Variants in TTLL10 observed in about 807,000 individuals in gnomAD.
TTLL10 encodes the protein tubulin tyrosine ligase like 10, also known as inactive polyglycylase TTLL10.
Under a neutral mutation model 69.0 loss-of-function variants are expected in TTLL10, and 61 were observed. The ratio of observed to expected loss-of-function variants is 0.88; its 90% CI spans 0.72 to 1.09. The LOEUF (loss-of-function observed/expected upper bound fraction) is 1.09, where lower values mean the gene tolerates loss of function less well. Ranked by LOEUF, TTLL10 falls within the 50% of genes least tolerant of loss-of-function variation. The probability of loss-of-function intolerance (pLI) is 0.00; values close to 1 mark genes in which losing one functional copy is unlikely to be tolerated. For missense variants in TTLL10, 962 were observed against 945.9 expected, an observed-to-expected ratio of 1.02 and a Z score of -0.22; for synonymous variants, 408 against 393.3, an observed-to-expected ratio of 1.04 and a Z score of -0.44.
Position 1,182,998 on chromosome 1 carries a change from ATCCACCACAAGACGCCG to A in TTLL10, c.1041_1057del (p.His348ProfsTer24). 6.2e-7 allele frequency: 1 copy of A among 1,610,034 alleles called. No homozygotes were observed. Among genetic ancestry groups the A allele is most frequent in the East Asian group, 2.2e-5 (1 of 44,736 alleles). ...GACCCGGAGCATGGAGGACGACCCCATCCACCACAAGACGCCGTTCCGGGGGCCTCAGGCGCGGGTGG... is the reference window on the plus strand; with the variant it reads ...GACCCGGAGCATGGAGGACGACCCCATTCCGGGGGCCTCAGGCGCGGGTGG... On this transcript the variant is annotated frameshift_variant, in exon 11 of 16. Transcript: ENST00000379289. LOFTEE classifies it high-confidence loss of function.
At position 1,180,849 on chromosome 1, in the gene TTLL10, G is replaced by A. The variant is rs764804537; in HGVS notation, c.744G>A (p.Gly248=). The change falls in exon 8 of 16, where the codon GGG becomes GGA. Residue 248 remains glycine, a synonymous_variant. Transcript: ENST00000379289. ...GCAAGGCCAGCAAGGTGCCGGGGGG[G>A]GTCCAGGCCAGGTGAGTCTGCCCCT... ...AMSKASKVPG[G]VQARLEKDAA... is the part of the protein sequence containing the mutation. The A allele has an allele frequency of 7.0e-6, 11 of 1,573,804 alleles. No homozygotes were observed. Among genetic ancestry groups the A allele is most frequent in the Non-Finnish European group, 8.6e-6 (10 of 1,160,408 alleles).
intron 11 of TTLL10, 111 bp downstream of exon 11, chr1:1,183,158 C>T: frequency 7.5e-7 from 1 of 1,332,790 alleles, no homozygotes; most frequent in Non-Finnish European, 1.0e-6. Flanking sequence ...AGCAGCCGCA[C>T]CACCAGCCCC....
intron 13 of TTLL10, among the ~76,000 whole-genome samples, chr1:1,186,165 T>C (rs1166533157): frequency 2.6e-5 from 4 of 151,902 alleles, no homozygotes; most frequent in African/African-American, 9.7e-5. Context: ...CTCAGCTCAC[T>C]GCAACCTCCA....
chr1:1,184,942 C>T (rs1462379319), intron 12 of TTLL10, 27 bp from the exon 13 acceptor site: 1 of 1,578,226 alleles, frequency 6.3e-7, no homozygotes, highest in South Asian at 1.2e-5. Flanking sequence ...GTCTGGGAGC[C>T]AGTCTCCAGG....
chr1:1,197,554 G>C lies in TTLL10; in HGVS notation c.1729G>C (p.Gly577Arg). ...TGAGGCCGACCCGCGGCCGCACCTGGGGGGCTCGTGCAGCCTCCGCCGCTG... is the reference window on the plus strand; with the variant it reads ...TGAGGCCGACCCGCGGCCGCACCTGCGGGGCTCGTGCAGCCTCCGCCGCTG... Reference protein sequence around the residue: ...NGEADPRPHLGGSCSLRRWPP... With the variant: ...NGEADPRPHLRGSCSLRRWPP... Residue 577 changes from glycine to arginine, a missense_variant, in exon 16 of 16, where the codon GGG becomes CGG. Physicochemically the swap from Gly to Arg is moderately radical, Grantham distance 125. Coordinates refer to ENST00000379289, the MANE Select transcript of TTLL10 (RefSeq NM_001130045.2). 6.6e-7 allele frequency: 1 copy of C among 1,521,850 alleles called. No individual in the cohort carries two copies. The highest frequency in any genetic ancestry group is 8.8e-7 in the Non-Finnish European group (1 of 1,139,190). The allele number at this position is 1,521,850 out of a possible 1,614,324, so 94.3% of individuals were successfully genotyped here.
In TTLL10 at chr1:1,181,013, C is replaced by CCTGCCCCTGCCCCTGAACCCGCCT; in HGVS notation, c.755+165_755+166insCTGAACCCGCCTCTGCCCCTGCCC. 1.6e-6 allele frequency: 1 copy of CCTGCCCCTGCCCCTGAACCCGCCT among 612,616 alleles called. No individual in the cohort carries two copies. The highest frequency in any genetic ancestry group is 2.6e-6 in the Non-Finnish European group (1 of 391,978). The allele number at this position is 612,616 out of a possible 1,614,324, so 37.9% of individuals were successfully genotyped here. A position where few individuals can be genotyped will look rare whatever the true frequency, so the allele number is the denominator to read the frequency against. ...CCAGGCTCCCAGGCTGGCTCCAGCC[C>CCTGCCCCTGCCCCTGAACCCGCCT]CTGCCCCTGCCCTTGCCCCTGCCCC... On this transcript the variant is annotated intron_variant, in intron 8 of 15. Transcript: ENST00000379289. This position sits in a 1 kb window ranked among gnomAD's most constrained non-coding sequence, Gnocchi z 4.6.
chr1:1,182,352 G>C lies in TTLL10; in HGVS notation c.831-9G>C, dbSNP rs530811571. On this transcript the variant is annotated splice_polypyrimidine_tract_variant and intron_variant, in intron 9 of 15. Transcript: ENST00000379289. ...CAGCAGCTCATCCTCCTGCCTCCCT[G>C]CCCTGCAGGGTCCTGAGAATGGAAG... 6.2e-7 allele frequency: 1 copy of C among 1,613,390 alleles called. No homozygotes were observed. Among genetic ancestry groups the C allele is most frequent in the African/African-American group, 1.3e-5 (1 of 75,046 alleles).
At position 1,180,058 on chromosome 1, in the gene TTLL10, G is replaced by A. The variant is rs746363680; in HGVS notation, c.224G>A (p.Gly75Glu). 38 of 1,583,760 alleles carry A rather than the reference G, an allele frequency of 2.4e-5. No homozygotes were observed. In the South Asian group the frequency reaches 4.3e-4, roughly 18 times the overall value. ...PVGPAHERPM[G>E]SSQEEGLRCQ... ...GGCCCGGCCCACGAGAGGCCAATGGGGAGCAGCCAGGAGGAGGGACTCCGG... is the reference window on the plus strand; with the variant it reads ...GGCCCGGCCCACGAGAGGCCAATGGAGAGCAGCCAGGAGGAGGGACTCCGG... The change falls in exon 6 of 16, where the codon GGG (glycine) becomes GAG (glutamate). Residue 75 changes from glycine to glutamate, a missense_variant. Coordinates refer to ENST00000379289, the MANE Select transcript of TTLL10 (RefSeq NM_001130045.2).
At position 1,197,561 on chromosome 1, in the gene TTLL10, C is replaced by T. The variant is rs1473421398; in HGVS notation, c.1736C>T (p.Ser579Leu). The T allele has an allele frequency of 3.3e-6, 5 of 1,516,564 alleles. No homozygotes were observed. The South Asian group carries it at 3.7e-5, about 11-fold the overall frequency. The allele number at this position is 1,516,564 out of a possible 1,614,324, so 93.9% of individuals were successfully genotyped here. Residue 579 changes from serine to leucine, a missense_variant, in exon 16 of 16, where the codon TCG becomes TTG. Transcript: ENST00000379289. ...GACCCGCGGCCGCACCTGGGGGGCT[C>T]GTGCAGCCTCCGCCGCTGGCCGCCC... ...EADPRPHLGG[S>L]CSLRRWPPLP...
chr1:1,191,381 C>T (rs375244357), intron 13 of TTLL10, among the ~76,000 whole-genome samples: 3 of 152,156 alleles, frequency 2.0e-5, no homozygotes. Flanking sequence ...TGCTTAAGCC[C>T]AGGAGTTTGA....
At chr1:1,177,230 A>G (rs1646905719) in intron 3 of TTLL10, among the ~76,000 whole-genome samples, 1 of 147,732 alleles carries the variant, frequency 6.8e-6, no homozygotes, top group Non-Finnish European at 1.5e-5. Flanking sequence ...GTGTCTGTGC[A>G]TCTGTGCAAG....
chr1:1,192,480 C>G (rs148527527), intron 13 of TTLL10, among the ~76,000 whole-genome samples: 250 of 71,956 alleles, frequency 3.5e-3, no homozygotes, highest in Middle Eastern at 0.014. Flanking sequence ...CACTCCAGTT[C>G]GTATCAGTGT....
chr1:1,197,794 TC>T lies in TTLL10; in HGVS notation c.1973del (p.Pro658ArgfsTer?), dbSNP rs1471785459. 1 of 1,527,916 alleles carries T rather than the reference TC, an allele frequency of 6.5e-7. No individual in the cohort carries two copies. The highest frequency in any genetic ancestry group is 1.2e-5 in the South Asian group (1 of 82,220). 94.6% of individuals were successfully genotyped at this position (1,527,916 alleles called of 1,614,324 possible). Reference protein sequence around the residue: ...TGNRHPAQEPSPGTAKEEREE... With the variant: ...TGNRHPAQEPXPGTAKEEREE... The stretch of plus-strand genomic sequence containing the variant: ...CAACAGGCACCCGGCGCAAGAGCCT[TC>T]CCCGGGGACAGCCAAGGAGGAACGC... On this transcript the variant is annotated frameshift_variant, in exon 16 of 16. Transcript: ENST00000379289. LOFTEE classifies it high-confidence loss of function.
intron 12 of TTLL10, 75 bp downstream of exon 12, chr1:1,184,166 G>T (rs77051049): frequency 0.025 from 39,593 of 1,581,498 alleles, 630 homozygotes; most frequent in Non-Finnish European, 0.028. Context: ...CTGCTAGGGG[G>T]TGCAGAGGGG....
chr1:1,175,999 T>C (rs1054557544), intron 3 of TTLL10: 1 of 432,702 alleles, frequency 2.3e-6, no homozygotes, highest in Admixed American at 2.5e-5. Context: ...AGGCTGCTGC[T>C]CCCAGCCACT....
chr1:1,185,370 A>G lies in TTLL10; in HGVS notation c.1401+261A>G. On this transcript the variant is annotated intron_variant, in intron 13 of 15. Transcript: ENST00000379289. The surrounding 1 kb of genome is among the most constrained non-coding windows in gnomAD (Gnocchi z 6.1). ...CGAGTCCCGCGGGCAGCCTCGCCGTAGGGTCAGGGGACAGCTCGGCTTCAG... is the reference window on the plus strand; with the variant it reads ...CGAGTCCCGCGGGCAGCCTCGCCGTGGGGTCAGGGGACAGCTCGGCTTCAG... 1 of 1,348,970 alleles carries G rather than the reference A, an allele frequency of 7.4e-7. No homozygotes were observed. The highest frequency in any genetic ancestry group is 3.0e-5 in the East Asian group (1 of 33,514). The allele number at this position is 1,348,970 out of a possible 1,614,324, so 83.6% of individuals were successfully genotyped here. A position where few individuals can be genotyped will look rare whatever the true frequency, so the allele number is the denominator to read the frequency against.
intron 13 of TTLL10, among the ~76,000 whole-genome samples, chr1:1,189,843 T>A (rs969219197): frequency 6.6e-6 from 1 of 152,176 alleles, no homozygotes; most frequent in African/African-American, 2.4e-5. Context: ...CCAGGCACGG[T>A]GGCTCATGCC....
At position 1,184,160 on chromosome 1, in the gene TTLL10, T is replaced by TAGGGGGTGCAG; in HGVS notation, c.1260+81_1260+91dup. The TAGGGGGTGCAG allele has an allele frequency of 4.4e-6, 7 of 1,595,138 alleles. 1 individual carries two copies. The South Asian group carries it at 7.8e-5, about 18-fold the overall frequency. On this transcript the variant is annotated intron_variant, in intron 12 of 15. Coordinates refer to ENST00000379289, the MANE Select transcript of TTLL10 (RefSeq NM_001130045.2). The stretch of plus-strand genomic sequence containing the variant: ...GAGATTAGAAGGAGGTTCTCACTGC[T>TAGGGGGTGCAG]AGGGGGTGCAGAGGGGGTGCAGCTA...
intron 13 of TTLL10, among the ~76,000 whole-genome samples, chr1:1,189,813 C>T (rs1031676147): frequency 2.0e-5 from 3 of 152,034 alleles, no homozygotes; most frequent in African/African-American, 7.2e-5. Flanking sequence ...CTTTATTTTG[C>T]TAAGAATTTG....
Sources: gnomAD v4.1 joint callset for allele counts (sites outside exome capture counted in the v4.1 genomes callset) on GRCh38, gnomAD v4.1.1 for gene constraint, Gnocchi (gnomAD v3.1) non-coding constraint, MANE v1.5 for transcripts, NCBI Gene and HGNC (gene_info 2026-07-23, HGNC 2026-07-21) for gene names.